ALK: variants seen among roughly 807,000 people sequenced by gnomAD.
ALK encodes ALK tyrosine kinase receptor.
A neutral mutation model predicts 163.1 loss-of-function variants in ALK; 74 were observed. The observed-to-expected ratio is 0.45, with a 90% CI of 0.38 to 0.55. The LOEUF (loss-of-function observed/expected upper bound fraction) is 0.55. Among genes scored for constraint, ALK ranks in the 20% least tolerant of loss-of-function variants. The pLI is 0.00. For synonymous variants in ALK, 960 were observed against 843.2 expected (o/e 1.14, Z -2.40); for missense variants, 2,063 against 2,105.3 (o/e 0.98, Z 0.39).
intron 3 of ALK, among the ~76,000 whole-genome samples, chr2:29,614,148 T>C (rs1190179198): frequency 6.6e-6 from 1 of 152,126 alleles, no homozygotes; most frequent in African/African-American, 2.4e-5. Flanking sequence ...ATGGCCCTGC[T>C]TCTCTCGGGT....
rs142960383 is a variant in ALK, at chr2:29,527,205, G to C, written c.1154+4710C>G. Among the ~76,000 whole-genome samples, 684 of 152,292 alleles carry C rather than the reference G, an allele frequency of 4.5e-3. 3 individuals carry two copies. The highest frequency in any genetic ancestry group is 6.4e-3 in the Non-Finnish European group (437 of 68,024). Reference sequence around the variant, plus strand: ...AATCAGGATTGAAACCATACCTCCTGATGGCCACAAATCAATATCTTTTTG... The same window carrying C: ...AATCAGGATTGAAACCATACCTCCTCATGGCCACAAATCAATATCTTTTTG... On this transcript the variant is annotated intron_variant, in intron 4 of 28. Transcript: ENST00000389048.
At chr2:29,668,329 T>C (rs1407219291) in intron 3 of ALK, among the ~76,000 whole-genome samples, 2 of 152,048 alleles carry the variant, frequency 1.3e-5, no homozygotes, top group Admixed American at 6.6e-5. Context: ...TTATTCTTGC[T>C]TTTCCTTGGG....
At chr2:29,569,368 T>C (rs1558388506) in intron 3 of ALK, among the ~76,000 whole-genome samples, 1 of 152,152 alleles carries the variant, frequency 6.6e-6, no homozygotes, top group African/African-American at 2.4e-5. Flanking sequence ...CATCCTTACA[T>C]AGCCAAGTAA....
intron 3 of ALK, among the ~76,000 whole-genome samples, chr2:29,688,481 G>A (rs1193132212): frequency 1.3e-5 from 2 of 152,180 alleles, no homozygotes; most frequent in Admixed American, 6.5e-5. Flanking sequence ...CATGGTAGGA[G>A]TACATGCTCA....
chr2:29,626,440 G>C (rs539979249), intron 3 of ALK, among the ~76,000 whole-genome samples: 4 of 152,222 alleles, frequency 2.6e-5, no homozygotes, highest in African/African-American at 9.6e-5. Context: ...ACATCCCTTT[G>C]CTCCCCTTTG....
chr2:29,400,599 C>T (rs372151540), intron 4 of ALK, among the ~76,000 whole-genome samples: 1 of 152,188 alleles, frequency 6.6e-6, no homozygotes, highest in Non-Finnish European at 1.5e-5. Flanking sequence ...CCTAGATTTT[C>T]TTTGTTGCCC....
rs570339451 is a variant in ALK, at chr2:29,355,622, G to T, written c.1283-27141C>A. On this transcript the variant is annotated intron_variant, in intron 5 of 28. Coordinates refer to ENST00000389048, the MANE Select transcript of ALK (RefSeq NM_004304.5). ...AGTAACTGAATGGCTGCACTGGAAG[G>T]GAAAGACTTTTAGCTACAGGAAGCA... Among the ~76,000 whole-genome samples the T allele has an allele frequency of 2.0e-5, 3 of 152,312 alleles. No homozygotes were observed. In the South Asian group the frequency reaches 6.2e-4, roughly 32 times the overall value.
At chr2:29,226,334 C>T (rs1436812727) in intron 18 of ALK, among the ~76,000 whole-genome samples, 8 of 151,844 alleles carry the variant, frequency 5.3e-5, no homozygotes, top group Admixed American at 4.6e-4. Flanking sequence ...GAAAATTAGC[C>T]TGGCATGGTG....
intron 3 of ALK, among the ~76,000 whole-genome samples, chr2:29,647,968 G>A (rs970768337): frequency 4.0e-5 from 6 of 151,884 alleles, no homozygotes; most frequent in African/African-American, 7.2e-5. Context: ...AAATATGTAG[G>A]GATTTGGATG....
intron 3 of ALK, among the ~76,000 whole-genome samples, chr2:29,645,543 G>A (rs932729246): frequency 6.6e-6 from 1 of 152,120 alleles, no homozygotes; most frequent in Admixed American, 6.5e-5. Flanking sequence ...AGAGCTAGTA[G>A]GAGCTTTTTC....
In ALK at chr2:29,635,318, T is replaced by C. The variant is rs77764561; in HGVS notation, c.952+59532A>G. 8.7e-4 allele frequency among the ~76,000 whole-genome samples: 132 copies of C among 152,322 alleles called. 1 individual carries two copies. The East Asian group carries it at 0.018, about 21-fold the overall frequency. On this transcript the variant is annotated intron_variant, in intron 3 of 28. Coordinates refer to ENST00000389048, the MANE Select transcript of ALK (RefSeq NM_004304.5). ...TGTGGTCTTCACAGATATGGTTAAA[T>C]TAAAGATCTTGACAAGGGGGTATTA...
intron 7 of ALK, among the ~76,000 whole-genome samples, chr2:29,318,615 G>A (rs559110076): frequency 4.6e-5 from 7 of 150,890 alleles, no homozygotes; most frequent in East Asian, 3.9e-4. Flanking sequence ...AGCTCAGACC[G>A]GAGTGCAGTG....
intron 1 of ALK, among the ~76,000 whole-genome samples, chr2:29,796,397 G>T (rs577369017): frequency 1.9e-4 from 29 of 152,216 alleles, no homozygotes; most frequent in African/African-American, 2.4e-4. Context: ...GACCAAAAAA[G>T]CTCCTTAAAT....
intron 1 of ALK, among the ~76,000 whole-genome samples, chr2:29,768,947 C>T (rs907488420): frequency 1.3e-5 from 2 of 152,056 alleles, no homozygotes; most frequent in African/African-American, 4.8e-5. Context: ...GATCCTCCCG[C>T]CTCAGCTTCC....
At chr2:29,915,959 A>G (rs1037924233) in intron 1 of ALK, among the ~76,000 whole-genome samples, 1 of 152,240 alleles carries the variant, frequency 6.6e-6, no homozygotes, top group African/African-American at 2.4e-5. Flanking sequence ...CTTCTCACCA[A>G]CTTCAAAGAT....
intron 3 of ALK, among the ~76,000 whole-genome samples, chr2:29,550,072 G>C (rs1289337658): frequency 6.6e-6 from 1 of 152,124 alleles, no homozygotes; most frequent in Non-Finnish European, 1.5e-5. Flanking sequence ...CCTAGGCCTT[G>C]CTGTTCTTAT....
At chr2:29,360,447 A>C (rs1353726139) in intron 5 of ALK, among the ~76,000 whole-genome samples, 1 of 152,176 alleles carries the variant, frequency 6.6e-6, no homozygotes, top group Non-Finnish European at 1.5e-5. Flanking sequence ...GGAAGTGCAG[A>C]GATAGCACAT....
chr2:29,612,625 C>A (rs946216749), intron 3 of ALK, among the ~76,000 whole-genome samples: 1 of 152,324 alleles, frequency 6.6e-6, no homozygotes, highest in South Asian at 2.1e-4. Context: ...AAACTTCTCT[C>A]TCTTTTCACC....
At chr2:29,548,242 G>C (rs1259814719) in intron 3 of ALK, among the ~76,000 whole-genome samples, 1 of 152,162 alleles carries the variant, frequency 6.6e-6, no homozygotes, top group Non-Finnish European at 1.5e-5. Flanking sequence ...GGGAGGCCAA[G>C]GCAGACGGAT....
Sources: allele counts gnomAD v4.1 joint callset (sites outside exome capture counted in the v4.1 genomes callset), GRCh38; gene constraint gnomAD v4.1.1; transcripts MANE v1.5; gene names NCBI Gene and HGNC (gene_info 2026-07-23, HGNC 2026-07-21).